The following NCKAP5 variants were observed in gnomAD, a reference collection of about 807,000 sequenced individuals.
NCKAP5 encodes the protein nck-associated protein 5.
A neutral mutation model predicts 167.0 loss-of-function variants in NCKAP5; 92 were observed. The ratio of observed to expected loss-of-function variants is 0.55; its 90% CI spans 0.47 to 0.66. NCKAP5 has a LOEUF of 0.66. Among genes scored for constraint, NCKAP5 ranks in the 30% least tolerant of loss-of-function variants. The pLI is 0.00. For synonymous variants in NCKAP5, 891 were observed against 877.4 expected (o/e 1.02, Z -0.27); for missense variants, 2,378 against 2,315.0 (o/e 1.03, Z -0.56).
chr2:132,760,753 G>A (rs888718260), intron 16 of NCKAP5, among the ~76,000 whole-genome samples: 1 of 152,166 alleles, frequency 6.6e-6, no homozygotes, highest in African/African-American at 2.4e-5. Context: ...ACCTGAGTCT[G>A]CATTGTTTTT....
At chr2:133,269,463 C>G (rs1416606696) in intron 4 of NCKAP5, among the ~76,000 whole-genome samples, 1 of 152,100 alleles carries the variant, frequency 6.6e-6, no homozygotes, top group Non-Finnish European at 1.5e-5. Flanking sequence ...AGGGAGCAGG[C>G]AAGCCATGCA....
intron 4 of NCKAP5, among the ~76,000 whole-genome samples, chr2:133,235,984 T>C (rs1324086715): frequency 4.1e-5 from 6 of 147,624 alleles, no homozygotes; most frequent in African/African-American, 1.5e-4. Flanking sequence ...GGAAGATTGC[T>C]TGAGCTGGGA....
chr2:132,847,232 G>T (rs886298418), intron 11 of NCKAP5, among the ~76,000 whole-genome samples: 8 of 152,108 alleles, frequency 5.3e-5, no homozygotes, highest in Non-Finnish European at 1.0e-4. Flanking sequence ...GTAAAATAAT[G>T]ATAAAGGAAT....
chr2:133,563,564 T>TAAAAAAAAA lies in NCKAP5; in HGVS notation c.-129-4456_-129-4448dup, dbSNP rs57901498. Among the ~76,000 whole-genome samples, 18 of 53,014 alleles carry TAAAAAAAAA rather than the reference T, an allele frequency of 3.4e-4. 1 individual carries two copies. Among genetic ancestry groups the TAAAAAAAAA allele is most frequent in the African/African-American group, 1.0e-3 (15 of 14,298 alleles). The allele number at this position is 53,014 out of a possible 152,430, so 34.8% of individuals were successfully genotyped here. A position where few individuals can be genotyped will look rare whatever the true frequency, so the allele number is the denominator to read the frequency against. Reference sequence around the variant, plus strand: ...AGCCTGGTGACAGAGAAAGACTCCATAAAAAAAAAAAAAAAAAAAAAAAAA... The same window carrying TAAAAAAAAA: ...AGCCTGGTGACAGAGAAAGACTCCATAAAAAAAAAAAAAAAAAAAAAAAAAAAAAAAAAA... On this transcript the variant is annotated intron_variant, in intron 1 of 19. Coordinates refer to ENST00000409261, the MANE Select transcript of NCKAP5 (RefSeq NM_207363.3).
Position 132,931,736 on chromosome 2 carries a change from A to C in NCKAP5, c.579+31984T>G, listed in dbSNP as rs980498094. ...TGCATTTATTTTTCAGCCTCTTCCT[A>C]CCTCAAAAATTATTCTGTAGCTCCC... On this transcript the variant is annotated intron_variant, in intron 8 of 19. Coordinates refer to ENST00000409261, the MANE Select transcript of NCKAP5 (RefSeq NM_207363.3). Among the ~76,000 whole-genome samples, 19 of 152,320 alleles carry C rather than the reference A, an allele frequency of 1.2e-4. No homozygotes were observed. The East Asian group carries it at 3.5e-3, about 28-fold the overall frequency.
Position 133,444,937 on chromosome 2 carries a change from T to C in NCKAP5, c.69+72521A>G, listed in dbSNP as rs551358966. On this transcript the variant is annotated intron_variant, in intron 3 of 19. Coordinates refer to ENST00000409261, the MANE Select transcript of NCKAP5 (RefSeq NM_207363.3). ...GAATTATTTTAACTAATTACTTGCATTTTAAGATCTGAAGAGGCCAGAATA... is the reference window on the plus strand; with the variant it reads ...GAATTATTTTAACTAATTACTTGCACTTTAAGATCTGAAGAGGCCAGAATA... Among the ~76,000 whole-genome samples the C allele has an allele frequency of 2.1e-4, 32 of 152,346 alleles. No individual in the cohort carries two copies. The South Asian group carries it at 5.6e-3, about 27-fold the overall frequency.
the NCKAP5 span, among the ~76,000 whole-genome samples, chr2:133,662,328 T>A: frequency 6.6e-6 from 1 of 151,954 alleles, no homozygotes; most frequent in Non-Finnish European, 1.5e-5. Context: ...ACTCTGTGGG[T>A]TATCAAGTGT....
intron 11 of NCKAP5, among the ~76,000 whole-genome samples, chr2:132,807,200 C>T (rs1460991437): frequency 2.6e-5 from 4 of 152,028 alleles, no homozygotes; most frequent in Non-Finnish European, 4.4e-5. Context: ...GTGATGCCTC[C>T]AGATTTGTTA....
At position 133,292,502 on chromosome 2, in the gene NCKAP5, T is replaced by G. The variant is rs145320670; in HGVS notation, c.143+10535A>C. 4.6e-3 allele frequency among the ~76,000 whole-genome samples: 698 copies of G among 152,340 alleles called. 5 individuals are homozygous for G. The highest frequency in any genetic ancestry group is 0.016 in the African/African-American group (653 of 41,576). On this transcript the variant is annotated intron_variant, in intron 4 of 19. Transcript: ENST00000409261. ...GCCTTTTGCTTGAGGCCTTTTATTT[T>G]AATTTCAGATAAATAAATCACATTA...
intron 5 of NCKAP5, among the ~76,000 whole-genome samples, chr2:133,159,412 C>A (rs535466710): frequency 6.6e-6 from 1 of 152,094 alleles, no homozygotes; most frequent in African/African-American, 2.4e-5. Context: ...CAGAGAAACC[C>A]GTCAAGGTAT....
chr2:133,216,298 C>T (rs955904334), intron 4 of NCKAP5, among the ~76,000 whole-genome samples: 3 of 152,016 alleles, frequency 2.0e-5, no homozygotes, highest in African/African-American at 2.4e-5. Flanking sequence ...TAAAAAGAAG[C>T]TCCTGGACAA....
chr2:132,714,352 G>A (rs550344670), intron 19 of NCKAP5, among the ~76,000 whole-genome samples: 228 of 152,220 alleles, frequency 1.5e-3, no homozygotes, highest in Non-Finnish European at 2.8e-3. Flanking sequence ...ATTGTTCTGC[G>A]TATCAGTCCA....
intron 5 of NCKAP5, among the ~76,000 whole-genome samples, chr2:133,181,817 C>T (rs911522758): frequency 1.3e-5 from 2 of 151,852 alleles, no homozygotes; most frequent in African/African-American, 4.8e-5. Flanking sequence ...CAGATTTGTA[C>T]TTGTACAGTG....
At chr2:132,781,846 C>G in intron 14 of NCKAP5, 94 bp downstream of exon 14, 1 of 1,203,124 alleles carries the variant, frequency 8.3e-7, no homozygotes, top group Non-Finnish European at 1.2e-6. Context: ...AAAAAACATG[C>G]TTGACTGGCC....
intron 5 of NCKAP5, among the ~76,000 whole-genome samples, chr2:133,182,441 C>T (rs11888065): frequency 0.18 from 26,686 of 152,098 alleles, 2,684 homozygotes; most frequent in African/African-American, 0.28. Flanking sequence ...GTTCTCCAAC[C>T]ACAATGGGAT....
intron 6 of NCKAP5, among the ~76,000 whole-genome samples, chr2:133,030,276 T>G (rs562030245): frequency 6.6e-6 from 1 of 152,280 alleles, no homozygotes; most frequent in South Asian, 2.1e-4. Context: ...GCACCTGTTC[T>G]TAGGGTGATG....
chr2:132,725,219 C>T (rs1223581375), intron 19 of NCKAP5, among the ~76,000 whole-genome samples: 1 of 152,196 alleles, frequency 6.6e-6, no homozygotes, highest in Non-Finnish European at 1.5e-5. Context: ...TTCATAATGG[C>T]ACAGCTAACA....
Position 132,860,504 on chromosome 2 carries a change from A to G in NCKAP5, c.795T>C (p.Asp265=). Residue 265 remains aspartate, a synonymous_variant, in exon 11 of 20, where the codon GAT becomes GAC. Transcript: ENST00000409261. ...GATAAACACATACCTGGAGGAGCAG[A>G]TCAGAAGTGGGTCTGACTCGCTGTT... ...LFQQRVRPTS[D]LLLQKLHSRL... The G allele has an allele frequency of 6.3e-7, 1 of 1,576,218 alleles. No individual in the cohort carries two copies. Among genetic ancestry groups the G allele is most frequent in the Non-Finnish European group, 8.6e-7 (1 of 1,158,608 alleles).
chr2:133,583,388 T>C, the NCKAP5 span, among the ~76,000 whole-genome samples: 1 of 152,152 alleles, frequency 6.6e-6, no homozygotes, highest in Non-Finnish European at 1.5e-5. Flanking sequence ...GCTCCTGCTA[T>C]GGGATATGCT....
Sources: gnomAD v4.1 joint callset for allele counts (sites outside exome capture counted in the v4.1 genomes callset) on GRCh38, gnomAD v4.1.1 for gene constraint, MANE v1.5 for transcripts, NCBI Gene and HGNC (gene_info 2026-07-23, HGNC 2026-07-21) for gene names.